KAZN: variants seen among roughly 807,000 people sequenced by gnomAD.
KAZN encodes the protein kazrin, periplakin interacting protein, also known as kazrin.
KAZN carries 40 observed loss-of-function variants against 87.4 expected under a neutral mutation model. The observed-to-expected ratio is 0.46, with a 90% CI of 0.36 to 0.60. KAZN has a LOEUF of 0.60. Ranked by LOEUF, KAZN falls within the 20% of genes least tolerant of loss-of-function variation. The pLI is 0.00. For missense variants in KAZN, 898 were observed against 1,073.9 expected (o/e 0.84, Z 2.29); for synonymous variants, 466 against 458.3 (o/e 1.02, Z -0.22).
intron 2 of KAZN, among the ~76,000 whole-genome samples, chr1:14,405,606 A>ATATGTGTGTGTGTGTGTGTG (rs760881462): frequency 7.3e-6 from 1 of 136,220 alleles, no homozygotes; most frequent in Non-Finnish European, 1.6e-5. Flanking sequence ...ACCCAATAAA[A>ATATGTGTGTGTGTGTGTGTG]TGTGTGTGTG....
intron 1 of KAZN, among the ~76,000 whole-genome samples, chr1:14,040,080 C>CGT (rs138590433): frequency 0.39 from 58,224 of 148,552 alleles, 11,845 homozygotes; most frequent in Non-Finnish European, 0.46. Context: ...TGTGTGTGCA[C>CGT]GTGTGTGTGT....
At chr1:14,770,828 A>C (rs1313573897) in intron 1 of KAZN, among the ~76,000 whole-genome samples, 1 of 152,182 alleles carries the variant, frequency 6.6e-6, no homozygotes, top group African/African-American at 2.4e-5. Context: ...AATTGTTCAG[A>C]GATTACTAAA....
chr1:14,635,988 G>A (rs866530134), intron 1 of KAZN, among the ~76,000 whole-genome samples: 2 of 152,166 alleles, frequency 1.3e-5, no homozygotes, highest in African/African-American at 2.4e-5. Flanking sequence ...GGAAAATCAC[G>A]GCTGTTGAGT....
intron 1 of KAZN, among the ~76,000 whole-genome samples, chr1:13,932,032 T>G (rs548003765): frequency 2.7e-5 from 4 of 149,020 alleles, no homozygotes; most frequent in South Asian, 4.3e-4. Context: ...TTTTTTTGTA[T>G]TTTTTAGTAG....
intron 7 of KAZN, 50 bp from the exon 8 acceptor site, chr1:15,065,580 G>A: frequency 6.6e-7 from 1 of 1,506,772 alleles, no homozygotes. Context: ...AGCTAAGCTT[G>A]GCTTTCTTCT....
chr1:14,913,619 C>G (rs886875320), intron 1 of KAZN, among the ~76,000 whole-genome samples: 4 of 152,246 alleles, frequency 2.6e-5, no homozygotes, highest in Non-Finnish European at 5.9e-5. Context: ...ACTGTCTGGG[C>G]TTGGCCCATG....
chr1:13,959,241 C>T (rs192140422), intron 1 of KAZN, among the ~76,000 whole-genome samples: 27 of 152,236 alleles, frequency 1.8e-4, no homozygotes, highest in African/African-American at 6.0e-4. Flanking sequence ...AGAAGATGGT[C>T]CTCACCAAAA....
chr1:14,587,338 A>C (rs1218975886), intron 2 of KAZN, among the ~76,000 whole-genome samples: 1 of 151,416 alleles, frequency 6.6e-6, no homozygotes, highest in East Asian at 2.0e-4. Flanking sequence ...CAAGAGGCTG[A>C]GGCAGGAAAA....
chr1:14,514,618 TA>T (rs1361821320), intron 2 of KAZN, among the ~76,000 whole-genome samples: 982 of 53,850 alleles, frequency 0.018, 32 homozygotes, highest in East Asian at 0.031. Flanking sequence ...TATATATATA[TA>T]TATATATATA....
chr1:14,373,201 AT>A (rs1268496354), intron 2 of KAZN, among the ~76,000 whole-genome samples: 1 of 3,320 alleles, frequency 3.0e-4, no homozygotes, highest in African/African-American at 6.6e-4. Flanking sequence ...AAAACTGAAT[AT>A]ATATATATAT....
intron 1 of KAZN, among the ~76,000 whole-genome samples, chr1:13,904,666 C>CT (rs1164026361): frequency 2.0e-5 from 3 of 152,146 alleles, no homozygotes; most frequent in Admixed American, 1.3e-4. Flanking sequence ...GGTGATCTCT[C>CT]TTTTCTATGG....
At chr1:14,271,189 C>A (rs1394419972) in intron 2 of KAZN, among the ~76,000 whole-genome samples, 1 of 152,164 alleles carries the variant, frequency 6.6e-6, no homozygotes, top group African/African-American at 2.4e-5. Flanking sequence ...ATGAGGACAC[C>A]AGCCATATTG....
intron 2 of KAZN, among the ~76,000 whole-genome samples, chr1:14,270,605 C>T (rs1651840756): frequency 6.6e-6 from 1 of 152,142 alleles, no homozygotes; most frequent in African/African-American, 2.4e-5. Flanking sequence ...CTGAGGAGGT[C>T]TATCCTACCA....
intron 1 of KAZN, among the ~76,000 whole-genome samples, chr1:14,825,044 CT>C (rs1646844683): frequency 6.6e-6 from 1 of 152,278 alleles, no homozygotes; most frequent in African/African-American, 2.4e-5. Flanking sequence ...GCGCATCCCC[CT>C]TGCTGAAGCC....
chr1:14,148,394 T>A (rs921813705), intron 1 of KAZN, among the ~76,000 whole-genome samples: 2 of 152,242 alleles, frequency 1.3e-5, no homozygotes, highest in Non-Finnish European at 2.9e-5. Flanking sequence ...TGCCGGATGA[T>A]ACTCTCAAAT....
At chr1:14,257,959 T>TAA (rs1168366132) in intron 2 of KAZN, among the ~76,000 whole-genome samples, 6 of 28,724 alleles carry the variant, frequency 2.1e-4, no homozygotes, top group Non-Finnish European at 4.3e-4. Flanking sequence ...AAAAAAACAT[T>TAA]AAAAAAAAAA....
At chr1:14,435,910 A>T (rs1469359324) in intron 2 of KAZN, among the ~76,000 whole-genome samples, 1 of 152,166 alleles carries the variant, frequency 6.6e-6, no homozygotes, top group Non-Finnish European at 1.5e-5. Flanking sequence ...GGGTGACTCT[A>T]TGTGGAGCGT....
chr1:14,930,123 C>T, intron 1 of KAZN: 1 of 972,964 alleles, frequency 1.0e-6, no homozygotes, highest in Non-Finnish European at 1.2e-6. Flanking sequence ...AGCTGGTGGG[C>T]TCTGGGTGGG....
chr1:14,784,827 G>A (rs1049999716), intron 1 of KAZN, among the ~76,000 whole-genome samples: 2 of 152,182 alleles, frequency 1.3e-5, no homozygotes, highest in Non-Finnish European at 2.9e-5. Flanking sequence ...GTGATTCTGG[G>A]ACAGGCGGAA....
Sources: allele counts gnomAD v4.1 joint callset (sites outside exome capture counted in the v4.1 genomes callset), GRCh38; gene constraint gnomAD v4.1.1; transcripts MANE v1.5; gene names NCBI Gene and HGNC (gene_info 2026-07-23, HGNC 2026-07-21).